SASH1: variants seen among roughly 807,000 people sequenced by gnomAD.
The protein encoded by SASH1 is SAM and SH3 domain containing 1, also known as SAM and SH3 domain-containing protein 1.
A neutral mutation model predicts 125.2 loss-of-function variants in SASH1; 44 were observed. The ratio of observed to expected loss-of-function variants is 0.35; its 90% CI spans 0.28 to 0.45. SASH1 has a LOEUF of 0.45. SASH1 is among the 20% of genes least tolerant of loss of function. The probability of loss-of-function intolerance (pLI) is 1.00; values close to 1 mark genes in which losing one functional copy is unlikely to be tolerated. For synonymous variants in SASH1, 639 were observed against 649.1 expected (o/e 0.98, Z 0.24); for missense variants, 1,426 against 1,614.5 (o/e 0.88, Z 2.00).
intron 2 of SASH1, among the ~76,000 whole-genome samples, chr6:148,398,151 GA>G (rs1266853634): frequency 6.6e-6 from 1 of 152,016 alleles, no homozygotes; most frequent in African/African-American, 2.4e-5. Context: ...GATGTGAGGG[GA>G]AAAAAGAGGC....
chr6:148,457,549 T>A (rs1777417580), intron 4 of SASH1, among the ~76,000 whole-genome samples: 1 of 152,190 alleles, frequency 6.6e-6, no homozygotes, highest in South Asian at 2.1e-4. Context: ...TCTTCATACA[T>A]ACAGCAAGGC....
chr6:148,272,545 A>G (rs1335736809), intron 1 of SASH1, among the ~76,000 whole-genome samples: 1 of 152,202 alleles, frequency 6.6e-6, no homozygotes, highest in Non-Finnish European at 1.5e-5. Context: ...CGAGGGCGCT[A>G]GGCAGTGACT....
chr6:148,363,690 A>G (rs1272689770), intron 1 of SASH1, among the ~76,000 whole-genome samples: 3 of 151,522 alleles, frequency 2.0e-5, no homozygotes. Flanking sequence ...ATAAGCCACC[A>G]CGCCCGGCCG....
chr6:148,320,362 A>G (rs181527611), intron 1 of SASH1, among the ~76,000 whole-genome samples: 89 of 152,352 alleles, frequency 5.8e-4, no homozygotes, highest in African/African-American at 2.1e-3. Flanking sequence ...CCCCCTTGAT[A>G]GCGGCACCGC....
chr6:148,316,469 T>C lies in SASH1; in HGVS notation n.74+44092T>C, dbSNP rs564859143. On this transcript the variant is annotated intron_variant and non_coding_transcript_variant, in intron 1 of 3. Coordinates refer to the SASH1 transcript ENST00000367469. ...GGACAAATTAAGTGGGTACAGAGCATAGATATATGTCACACTGTTATTGAC... is the reference window on the plus strand; with the variant it reads ...GGACAAATTAAGTGGGTACAGAGCACAGATATATGTCACACTGTTATTGAC... Among the ~76,000 whole-genome samples, 18 of 152,346 alleles carry C rather than the reference T, an allele frequency of 1.2e-4. No homozygotes were observed. The South Asian group carries it at 3.7e-3, about 32-fold the overall frequency.
At chr6:148,301,820 CT>C (rs1779954533) in intron 1 of SASH1, among the ~76,000 whole-genome samples, 1 of 141,266 alleles carries the variant, frequency 7.1e-6, no homozygotes, top group South Asian at 2.3e-4. Flanking sequence ...CCAGGCTGAA[CT>C]TGTGAGCTCA....
In SASH1 at chr6:148,519,686, G is replaced by T. The variant is rs201264594; in HGVS notation, c.1002G>T (p.Thr334=). 2 of 1,614,068 alleles carry T rather than the reference G, an allele frequency of 1.2e-6. No individual in the cohort carries two copies. The highest frequency in any genetic ancestry group is 1.7e-5 in the Admixed American group (1 of 60,002). ...PPEDDSDSLT[T]SPSSSSLDTW... The stretch of plus-strand genomic sequence containing the variant: ...AAGATGACTCAGACTCTCTCACCAC[G>T]TCTCCATCCTCCAGCAGCCTGGACA... Residue 334 remains threonine, a synonymous_variant, in exon 10 of 20, where the codon ACG becomes ACT. Transcript: ENST00000367467. This position sits in a 1 kb window ranked among gnomAD's most constrained non-coding sequence, Gnocchi z 4.8.
At chr6:148,311,556 C>T (rs1474946186) in intron 1 of SASH1, among the ~76,000 whole-genome samples, 3 of 152,154 alleles carry the variant, frequency 2.0e-5, no homozygotes, top group Non-Finnish European at 2.9e-5. Context: ...GTAATCCCAA[C>T]ACTTTGGGAG....
chr6:148,365,840 G>A (rs1394741840), intron 1 of SASH1, among the ~76,000 whole-genome samples: 1 of 151,718 alleles, frequency 6.6e-6, no homozygotes. Flanking sequence ...TAGCCGGGCA[G>A]GGTAGCTCGT....
Position 148,307,057 on chromosome 6 carries a change from T to C in SASH1, n.74+34680T>C, listed in dbSNP as rs527511668. ...CTTTCTTTCTTTCTTTCTTTCTTTC[T>C]TTCTTTCTTTCTTTCTTTCTTTCTT... On this transcript the variant is annotated intron_variant and non_coding_transcript_variant, in intron 1 of 3. Coordinates refer to the SASH1 transcript ENST00000367469. Among the ~76,000 whole-genome samples the C allele has an allele frequency of 2.0e-5, 3 of 146,614 alleles. No homozygotes were observed. The East Asian group carries it at 6.0e-4, about 29-fold the overall frequency.
At chr6:148,448,847 C>G (rs1217910426) in intron 4 of SASH1, among the ~76,000 whole-genome samples, 1 of 152,152 alleles carries the variant, frequency 6.6e-6, no homozygotes, top group African/African-American at 2.4e-5. Flanking sequence ...TGACCCTTCT[C>G]TAACTACCTG....
At chr6:148,396,195 C>A (rs1404367060) in intron 2 of SASH1, among the ~76,000 whole-genome samples, 4 of 151,978 alleles carry the variant, frequency 2.6e-5, no homozygotes, top group African/African-American at 7.2e-5. Flanking sequence ...AGGGCCATTG[C>A]TGGACGGGTG....
Position 148,396,077 on chromosome 6 carries a change from CTT to C in SASH1, c.285+5817_285+5818del, listed in dbSNP as rs543163922. Among the ~76,000 whole-genome samples the C allele has an allele frequency of 1.5e-3, 227 of 152,222 alleles. 1 individual carries two copies. Among genetic ancestry groups the C allele is most frequent in the African/African-American group, 5.2e-3 (218 of 41,524 alleles). On this transcript the variant is annotated intron_variant, in intron 2 of 19. Transcript: ENST00000367467. ...CTTCTGTGCCAATTTGTTGTCATGA[CTT>C]TGTGAATACAAGGAAAAGGGAGCCC... is the stretch of plus-strand genomic sequence containing the variant.
chr6:148,385,729 G>A (rs1221826151), intron 1 of SASH1, among the ~76,000 whole-genome samples: 1 of 152,226 alleles, frequency 6.6e-6, no homozygotes, highest in Non-Finnish European at 1.5e-5. Context: ...GGTTCTGGGA[G>A]CTTCTGGATA....
chr6:148,535,003 G>A (rs1781756671), intron 16 of SASH1, 102 bp downstream of exon 16: 1 of 1,242,836 alleles, frequency 8.0e-7, no homozygotes, highest in Admixed American at 1.9e-5. Flanking sequence ...CACTTATTCT[G>A]TCCTGTTCTT....
chr6:148,241,565 G>C, the SASH1 span, among the ~76,000 whole-genome samples: 1 of 152,162 alleles, frequency 6.6e-6, no homozygotes, highest in Admixed American at 6.5e-5. Flanking sequence ...TAAAGTCTCA[G>C]GGTACCCATT....
chr6:148,195,622 C>T, the SASH1 span, among the ~76,000 whole-genome samples: 3 of 152,242 alleles, frequency 2.0e-5, no homozygotes, highest in Non-Finnish European at 2.9e-5. Flanking sequence ...CTACATGTGT[C>T]ACCAGTTCCC....
intron 2 of SASH1, among the ~76,000 whole-genome samples, chr6:148,434,311 G>A (rs1429374339): frequency 4.6e-5 from 7 of 151,904 alleles, no homozygotes; most frequent in Non-Finnish European, 8.8e-5. Flanking sequence ...TCCTGACCTC[G>A]TGATCTGCCT....
At chr6:148,350,312 A>C (rs1781684722) in intron 1 of SASH1, among the ~76,000 whole-genome samples, 2 of 152,190 alleles carry the variant, frequency 1.3e-5, no homozygotes, top group Admixed American at 6.5e-5. Context: ...AAAAAAGAAA[A>C]AAGTATCTAT....
Sources: gnomAD v4.1 joint callset for allele counts (sites outside exome capture counted in the v4.1 genomes callset) on GRCh38, gnomAD v4.1.1 for gene constraint, Gnocchi (gnomAD v3.1) non-coding constraint, MANE v1.5 for transcripts, NCBI Gene and HGNC (gene_info 2026-07-23, HGNC 2026-07-21) for gene names.